LNX2: variants seen among roughly 807,000 people sequenced by gnomAD.
LNX2 encodes the protein ligand of numb-protein X 2.
In LNX2, 35 loss-of-function variants were observed where a neutral mutation model predicts 66.2. That is an observed-to-expected ratio of 0.53 (90% CI 0.40 to 0.70). LNX2 has a LOEUF of 0.70. LNX2 is among the 30% of genes least tolerant of loss of function. LNX2 has a pLI of 0.00. For synonymous variants in LNX2, 337 were observed against 315.6 expected, an observed-to-expected ratio of 1.07 and a Z score of -0.72; for missense variants, 791 against 850.8, an observed-to-expected ratio of 0.93 and a Z score of 0.87.
chr13:27,574,880 G>GA (rs1246527910), intron 2 of LNX2, among the ~76,000 whole-genome samples: 1 of 152,184 alleles, frequency 6.6e-6, no homozygotes, highest in East Asian at 1.9e-4. Flanking sequence ...AGAAACCATG[G>GA]AGACTAGAAG....
chr13:27,603,505 T>C (rs992039288), intron 1 of LNX2, among the ~76,000 whole-genome samples: 8 of 152,194 alleles, frequency 5.3e-5, no homozygotes, highest in African/African-American at 1.7e-4. Flanking sequence ...TTCAATACAG[T>C]AGGCTTACAT....
rs1329672689 is a variant in LNX2, at chr13:27,548,102, T to G, written c.*233A>C. 4.2e-6 allele frequency: 2 copies of G among 478,098 alleles called. No individual in the cohort carries two copies. Among genetic ancestry groups the G allele is most frequent in the East Asian group, 7.0e-5 (2 of 28,498 alleles). 29.6% of individuals were successfully genotyped at this position (478,098 alleles called of 1,614,324 possible). A position where few individuals can be genotyped will look rare whatever the true frequency, so the allele number is the denominator to read the frequency against. ...AACATTTTAACAACTAAGTCTGAAT[T>G]CTGAAAATATAAACTCACAAAGGTT... is the stretch of plus-strand genomic sequence containing the variant. On this transcript the variant is annotated 3_prime_UTR_variant, in exon 10 of 10. Transcript: ENST00000316334.
intron 1 of LNX2, among the ~76,000 whole-genome samples, chr13:27,583,740 G>A (rs1178569644): frequency 6.6e-6 from 1 of 152,126 alleles, no homozygotes; most frequent in African/African-American, 2.4e-5. Context: ...ACTCTAGAAT[G>A]TACCAAACGT....
intron 7 of LNX2, among the ~76,000 whole-genome samples, chr13:27,556,033 T>C (rs1241123679): frequency 6.6e-6 from 1 of 152,200 alleles, no homozygotes; most frequent in Non-Finnish European, 1.5e-5. Context: ...TCTGGAACTG[T>C]CATCAAGGTT....
At chr13:27,560,175 T>C (rs1955114045) in intron 5 of LNX2, among the ~76,000 whole-genome samples, 190 bp from the exon 6 acceptor site, 2 of 152,132 alleles carry the variant, frequency 1.3e-5, no homozygotes, top group African/African-American at 2.4e-5. Flanking sequence ...ACTTCAGCAG[T>C]TGAAGCACAT....
intron 8 of LNX2, among the ~76,000 whole-genome samples, chr13:27,551,174 G>C (rs1247976350): frequency 6.6e-6 from 1 of 152,012 alleles, no homozygotes; most frequent in Admixed American, 6.5e-5. Flanking sequence ...TGTAGTCCCA[G>C]TTACTGGGAG....
At chr13:27,566,923 G>A (rs1214955517) in intron 4 of LNX2, among the ~76,000 whole-genome samples, 2 of 152,180 alleles carry the variant, frequency 1.3e-5, no homozygotes, top group Middle Eastern at 3.4e-3. Context: ...TCAACTCCGG[G>A]ATTGTAGAAC....
intron 1 of LNX2, among the ~76,000 whole-genome samples, chr13:27,616,218 C>G (rs981287006): frequency 3.3e-5 from 5 of 151,618 alleles, no homozygotes; most frequent in African/African-American, 1.2e-4. Context: ...CCATTCCAAG[C>G]CATAGGTAAA....
chr13:27,606,172 G>T (rs924103916), intron 1 of LNX2, among the ~76,000 whole-genome samples: 1 of 152,114 alleles, frequency 6.6e-6, no homozygotes, highest in East Asian at 1.9e-4. Context: ...AGCACAACTT[G>T]TACTACAAAA....
At chr13:27,590,810 AT>A (rs1955539287) in intron 1 of LNX2, among the ~76,000 whole-genome samples, 1 of 152,196 alleles carries the variant, frequency 6.6e-6, no homozygotes, top group Non-Finnish European at 1.5e-5. Context: ...GATATTACTA[AT>A]AAAGATTCCC....
intron 6 of LNX2, 137 bp downstream of exon 6, chr13:27,559,705 C>A (rs1417932955): frequency 5.2e-6 from 4 of 775,674 alleles, no homozygotes; most frequent in Non-Finnish European, 3.8e-6. Context: ...AGAATAACAA[C>A]CCTCATTTGA....
intron 1 of LNX2, among the ~76,000 whole-genome samples, chr13:27,588,032 A>C (rs1280371448): frequency 3.2e-5 from 1 of 30,900 alleles, no homozygotes; most frequent in Admixed American, 2.3e-4. Flanking sequence ...AAAAAAAAAA[A>C]AAAAAAAAAA....
chr13:27,587,109 C>T (rs1955495434), intron 1 of LNX2, among the ~76,000 whole-genome samples: 1 of 152,118 alleles, frequency 6.6e-6, no homozygotes, highest in African/African-American at 2.4e-5. Context: ...AGATCCAGCC[C>T]AGGGAAAAAG....
intron 7 of LNX2, 85 bp downstream of exon 7, chr13:27,556,151 T>C (rs1955057267): frequency 1.2e-5 from 16 of 1,290,254 alleles, no homozygotes; most frequent in East Asian, 2.5e-5. Flanking sequence ...GTTTAATAGA[T>C]ACTTTGTAGA....
intron 4 of LNX2, 129 bp downstream of exon 4, chr13:27,567,511 T>A (rs747357641): frequency 1.7e-5 from 12 of 711,812 alleles, no homozygotes; most frequent in Non-Finnish European, 2.4e-5. Flanking sequence ...AATTCTGATG[T>A]TTTGCATATA....
At chr13:27,594,674 T>C (rs904977870) in intron 1 of LNX2, among the ~76,000 whole-genome samples, 13 of 152,162 alleles carry the variant, frequency 8.5e-5, no homozygotes, top group African/African-American at 2.7e-4. Flanking sequence ...ACTAGGTCTT[T>C]ATTCCCCTCT....
intron 6 of LNX2, among the ~76,000 whole-genome samples, chr13:27,556,726 A>G (rs1180084240): frequency 6.6e-6 from 1 of 152,192 alleles, no homozygotes; most frequent in Non-Finnish European, 1.5e-5. Flanking sequence ...CAACTTCACA[A>G]AAGTAAATGA....
intron 1 of LNX2, among the ~76,000 whole-genome samples, chr13:27,597,648 G>A (rs902960173): frequency 6.6e-6 from 1 of 151,848 alleles, no homozygotes; most frequent in Non-Finnish European, 1.5e-5. Flanking sequence ...AATGAAGGGG[G>A]GTAAAACAAA....
At position 27,548,226 on chromosome 13, in the gene LNX2, A is replaced by T. The variant is rs1954965539; in HGVS notation, c.*109T>A. On this transcript the variant is annotated 3_prime_UTR_variant, in exon 10 of 10. Coordinates refer to ENST00000316334, the MANE Select transcript of LNX2 (RefSeq NM_153371.4). ...ATCTTAGTGGGTTTTGGCCCTGTGT[A>T]TACCAGCAGTGTCAGCAGCTCCTAA... is the stretch of plus-strand genomic sequence containing the variant. The T allele has an allele frequency of 9.8e-7, 1 of 1,024,512 alleles. No individual in the cohort carries two copies. The highest frequency in any genetic ancestry group is 1.5e-6 in the Non-Finnish European group (1 of 685,872). 63.5% of individuals were successfully genotyped at this position (1,024,512 alleles called of 1,614,324 possible). A position where few individuals can be genotyped will look rare whatever the true frequency, so the allele number is the denominator to read the frequency against.
Sources: allele counts gnomAD v4.1 joint callset (sites outside exome capture counted in the v4.1 genomes callset), GRCh38; gene constraint gnomAD v4.1.1; transcripts MANE v1.5; gene names NCBI Gene and HGNC (gene_info 2026-07-23, HGNC 2026-07-21).